The following NR1D2 variants were observed in gnomAD, a reference collection of about 807,000 sequenced individuals.
NR1D2 encodes nuclear receptor subfamily 1 group D member 2.
In NR1D2, 25 loss-of-function variants were observed where a neutral mutation model predicts 52.2. The observed-to-expected ratio is 0.48, with a 90% CI of 0.35 to 0.67. The LOEUF (loss-of-function observed/expected upper bound fraction) is 0.67, where lower values mean the gene tolerates loss of function less well. Ranked by LOEUF, NR1D2 falls within the 30% of genes least tolerant of loss-of-function variation. The pLI is 0.01. For synonymous variants in NR1D2, 259 were observed against 230.1 expected (o/e 1.13, Z -1.14); for missense variants, 681 against 707.2 (o/e 0.96, Z 0.42).
rs1338334792 is a variant in NR1D2 at position 23,962,267 on chromosome 3, G to A, written c.808G>A (p.Glu270Lys). ...CAAGGATACCTTTATGTATAATCAA[G>A]AGCAGCAAGAAAACTCAGCTGAGAG... ...AHKDTFMYNQ[E>K]QQENSAESMQ... Residue 270 changes from glutamate (E) to lysine (K), a missense_variant, in exon 5 of 8, where the codon GAG (glutamate) becomes AAG (lysine). By Grantham distance (56) the Glu-to-Lys change is moderately conservative (BLOSUM62 1). This residue lies in a region of NR1D2 where 475 missense variants were observed against 454.5 expected (regional missense o/e 1.05). Transcript: ENST00000312521. 1 of 1,614,158 alleles carries A rather than the reference G, an allele frequency of 6.2e-7. No individual in the cohort carries two copies.
chr3:23,959,570 C>CTG, intron 3 of NR1D2, 101 bp from the exon 4 acceptor site: 2 of 1,044,656 alleles, frequency 1.9e-6, no homozygotes, highest in African/African-American at 3.2e-5. Flanking sequence ...TATACTGGGA[C>CTG]TGTAGTTCGT....
At chr3:23,969,948 C>A (rs1157125755) in intron 7 of NR1D2, among the ~76,000 whole-genome samples, 1 of 152,072 alleles carries the variant, frequency 6.6e-6, no homozygotes, top group Non-Finnish European at 1.5e-5. Flanking sequence ...GTGGCCAAAG[C>A]CTGGAGTGTA....
chr3:23,954,770 C>T lies in NR1D2; in HGVS notation c.250C>T (p.Pro84Ser), dbSNP rs767076379. The T allele has an allele frequency of 5.0e-6, 8 of 1,614,070 alleles. No homozygotes were observed. In the Admixed American group the frequency reaches 1.0e-4, roughly 20 times the overall value. The part of the protein sequence containing the change: ...CSMKTSKSSA[P>S]GMTKSHSGVT... ...TATGAAAACAAGCAAATCGAGTGCACCTGGGATGACAAAAAGTCATAGTGG... is the reference window on the plus strand; with the variant it reads ...TATGAAAACAAGCAAATCGAGTGCATCTGGGATGACAAAAAGTCATAGTGG... The change falls in exon 2 of 8, where the codon CCT (proline) becomes TCT (serine). Residue 84 changes from proline to serine, a missense_variant. Coordinates refer to ENST00000312521, the MANE Select transcript of NR1D2 (RefSeq NM_005126.5).
In NR1D2 at chr3:23,978,372, C is replaced by A. The variant is rs1480723039; in HGVS notation, c.*953C>A. On this transcript the variant is annotated 3_prime_UTR_variant, in exon 8 of 8. Transcript: ENST00000312521. The stretch of plus-strand genomic sequence containing the variant: ...TTTTACTTGTTTATGATGGCATAAC[C>A]ATTGCTTTAAAATGTTTAGACAGTA... 6.6e-6 allele frequency: 1 copy of A among 151,900 alleles called. No homozygotes were observed. Among genetic ancestry groups the A allele is most frequent in the Non-Finnish European group, 1.5e-5 (1 of 67,974 alleles). The allele number at this position is 151,900 out of a possible 1,614,324, so 9.4% of individuals were successfully genotyped here. A position where few individuals can be genotyped will look rare whatever the true frequency, so the allele number is the denominator to read the frequency against.
chr3:23,962,199 A>G lies in NR1D2; in HGVS notation c.740A>G (p.Asp247Gly). 1 of 1,614,192 alleles carries G rather than the reference A, an allele frequency of 6.2e-7. No individual in the cohort carries two copies. Among genetic ancestry groups the G allele is most frequent in the Admixed American group, 1.7e-5 (1 of 60,026 alleles). The stretch of plus-strand genomic sequence containing the variant: ...AAAAGCTCTTCTCCTCCATCTTCTG[A>G]TTTTGCAAAGGAAGAAGTGATTGGC... ...NIKSSSPPSS[D>G]FAKEEVIGMV... Residue 247 changes from aspartate (D) to glycine (G), a missense_variant, in exon 5 of 8, where the codon GAT (aspartate) becomes GGT (glycine). By Grantham distance (94) the Asp-to-Gly change is moderately conservative. This residue lies in a region of NR1D2 where 475 missense variants were observed against 454.5 expected (regional missense o/e 1.05). Coordinates refer to ENST00000312521, the MANE Select transcript of NR1D2 (RefSeq NM_005126.5).
At chr3:23,955,622 A>C (rs913818901) in intron 2 of NR1D2, among the ~76,000 whole-genome samples, 5 of 152,144 alleles carry the variant, frequency 3.3e-5, no homozygotes, top group African/African-American at 1.2e-4. Flanking sequence ...GTTCAAGACC[A>C]GCCTGGGCAA....
intron 2 of NR1D2, among the ~76,000 whole-genome samples, chr3:23,955,498 G>A (rs936339321): frequency 3.9e-5 from 6 of 152,108 alleles, no homozygotes; most frequent in Admixed American, 6.5e-5. Flanking sequence ...CCGGGTCAGC[G>A]AGGTATTTTT....
intron 1 of NR1D2, among the ~76,000 whole-genome samples, chr3:23,946,842 G>A (rs1185606796): frequency 2.6e-5 from 4 of 152,136 alleles, no homozygotes; most frequent in Non-Finnish European, 5.9e-5. Context: ...CCTTTTGTCT[G>A]CCCCAAATGA....
At chr3:23,950,560 A>G (rs1018409951) in intron 1 of NR1D2, among the ~76,000 whole-genome samples, 10 of 152,182 alleles carry the variant, frequency 6.6e-5, no homozygotes, top group Admixed American at 2.0e-4. Flanking sequence ...TTGGGTTGCT[A>G]TCAGTCAGGT....
chr3:23,980,124 A>G lies in NR1D2; in HGVS notation c.*2705A>G, dbSNP rs1706838538. 6.6e-6 allele frequency: 1 copy of G among 152,164 alleles called. No homozygotes were observed. Among genetic ancestry groups the G allele is most frequent in the Non-Finnish European group, 1.5e-5 (1 of 68,002 alleles). 9.4% of individuals were successfully genotyped at this position (152,164 alleles called of 1,614,324 possible). On this transcript the variant is annotated 3_prime_UTR_variant, in exon 8 of 8. Transcript: ENST00000312521. ...AAGGAAATTTCAGTGGATTAAGTGT[A>G]TAGCTTTCATATCTACATTTCAAGA... is the stretch of plus-strand genomic sequence containing the variant.
chr3:23,954,701 G>A lies in NR1D2; in HGVS notation c.181G>A (p.Ala61Thr), dbSNP rs1204638551. ...TNGNPKNGDL[A>T]NIEGILKNDR... Reference sequence around the variant, plus strand: ...TGGTAATCCCAAGAATGGTGATCTCGCCAATATTGAAGGCATCTTGAAGAA... The same window carrying A: ...TGGTAATCCCAAGAATGGTGATCTCACCAATATTGAAGGCATCTTGAAGAA... Residue 61 changes from alanine to threonine, a missense_variant, in exon 2 of 8, where the codon GCC becomes ACC. Transcript: ENST00000312521. 2.2e-5 allele frequency: 35 copies of A among 1,613,758 alleles called. No individual in the cohort carries two copies. Among genetic ancestry groups the A allele is most frequent in the Non-Finnish European group, 2.7e-5 (32 of 1,179,894 alleles).
At position 23,945,508 on chromosome 3, in the gene NR1D2, CT is replaced by C. The variant is rs1164509049; in HGVS notation, c.-70del. ...GCTTCCAGCCCGGGGCGGCGCGGCG[CT>C]GAGGCGGCGGCGGCGGCGCTGCCCC... On this transcript the variant is annotated 5_prime_UTR_variant, in exon 1 of 8. An upstream open reading frame in the 5' UTR loses its in-frame stop. Coordinates refer to ENST00000312521, the MANE Select transcript of NR1D2 (RefSeq NM_005126.5). 1 of 946,628 alleles carries C rather than the reference CT, an allele frequency of 1.1e-6. No individual in the cohort carries two copies. Among genetic ancestry groups the C allele is most frequent in the Admixed American group, 6.3e-5 (1 of 15,986 alleles). 58.6% of individuals were successfully genotyped at this position (946,628 alleles called of 1,614,324 possible). A position where few individuals can be genotyped will look rare whatever the true frequency, so the allele number is the denominator to read the frequency against.
rs547077718 is a variant in NR1D2, at chr3:23,946,972, A to G, written c.16+1378A>G. 7.9e-5 allele frequency among the ~76,000 whole-genome samples: 12 copies of G among 152,360 alleles called. 1 individual carries two copies. The South Asian group carries it at 2.1e-3, about 26-fold the overall frequency. On this transcript the variant is annotated intron_variant, in intron 1 of 7. Coordinates refer to ENST00000312521, the MANE Select transcript of NR1D2 (RefSeq NM_005126.5). ...ACAAATGTATTGTGAACTTTTCACC[A>G]AAAGTAAAAATAAAGTCACTTTCTA...
intron 4 of NR1D2, among the ~76,000 whole-genome samples, chr3:23,960,377 C>T (rs1276095384): frequency 1.3e-5 from 2 of 151,762 alleles, no homozygotes; most frequent in African/African-American, 4.8e-5. Context: ...TGCACTCTAA[C>T]CTGGGTGACA....
chr3:23,976,038 A>G (rs1281847818), intron 7 of NR1D2, among the ~76,000 whole-genome samples: 1 of 152,204 alleles, frequency 6.6e-6, no homozygotes, highest in Non-Finnish European at 1.5e-5. Flanking sequence ...ATATTTTTGT[A>G]TACTCCTGCC....
intron 7 of NR1D2, among the ~76,000 whole-genome samples, chr3:23,970,136 C>T (rs1706547963): frequency 6.6e-6 from 1 of 152,150 alleles, no homozygotes; most frequent in African/African-American, 2.4e-5. Context: ...AACATTAATT[C>T]TGCATTTTTA....
chr3:23,966,987 C>T (rs1392627228), intron 6 of NR1D2, among the ~76,000 whole-genome samples: 1 of 151,858 alleles, frequency 6.6e-6, no homozygotes, highest in Non-Finnish European at 1.5e-5. Context: ...GCTGTGATTG[C>T]ATCTCCGGCC....
At chr3:23,948,440 C>A (rs543620316) in intron 1 of NR1D2, among the ~76,000 whole-genome samples, 1 of 152,088 alleles carries the variant, frequency 6.6e-6, no homozygotes, top group African/African-American at 2.4e-5. Context: ...TTAAGAGATT[C>A]AAAAGGTAGT....
chr3:23,957,028 GC>G (rs1706096726), intron 3 of NR1D2, among the ~76,000 whole-genome samples: 1 of 151,882 alleles, frequency 6.6e-6, no homozygotes, highest in Admixed American at 6.6e-5. Flanking sequence ...TATTTCCCAG[GC>G]TGAAGTGCAG....
Sources: allele counts gnomAD v4.1 joint callset (sites outside exome capture counted in the v4.1 genomes callset), GRCh38; gene constraint gnomAD v4.1.1; regional missense constraint gnomAD v4.1.1; transcripts MANE v1.5; gene names NCBI Gene and HGNC (gene_info 2026-07-23, HGNC 2026-07-21).